TENM3: variants seen among roughly 807,000 people sequenced by gnomAD.
TENM3 encodes teneurin-3.
TENM3 carries 63 observed loss-of-function variants against 255.1 expected under a neutral mutation model. That is an observed-to-expected ratio of 0.25 (90% confidence interval 0.20 to 0.30). The LOEUF (loss-of-function observed/expected upper bound fraction) is 0.30. TENM3 is among the 10% of genes least tolerant of loss of function. The pLI is 1.00. For synonymous variants in TENM3, 1,306 were observed against 1,322.3 expected, an observed-to-expected ratio of 0.99 and a Z score of 0.27; for missense variants, 2,929 against 3,461.1, an observed-to-expected ratio of 0.85 and a Z score of 3.86.
the TENM3 span, among the ~76,000 whole-genome samples, chr4:182,023,887 T>G: frequency 6.6e-6 from 1 of 152,254 alleles, no homozygotes; most frequent in South Asian, 2.1e-4. Flanking sequence ...ATAAAATAAT[T>G]TAGAAGAATT....
intron 1 of TENM3, among the ~76,000 whole-genome samples, chr4:182,190,753 T>C (rs1367814519): frequency 6.6e-6 from 1 of 152,190 alleles, no homozygotes; most frequent in Non-Finnish European, 1.5e-5. Flanking sequence ...GAAATAACCC[T>C]GGCATAATTC....
chr4:181,990,547 A>G, the TENM3 span, among the ~76,000 whole-genome samples: 1 of 152,116 alleles, frequency 6.6e-6, no homozygotes, highest in Non-Finnish European at 1.5e-5. Flanking sequence ...CCTACTGTCC[A>G]GGTACCCAAT....
intron 1 of TENM3, among the ~76,000 whole-genome samples, chr4:182,203,113 A>T (rs1235925567): frequency 1.3e-5 from 2 of 152,074 alleles, no homozygotes; most frequent in African/African-American, 4.8e-5. Flanking sequence ...GCTATTCGGG[A>T]GGCTGAGGCA....
At position 182,775,159 on chromosome 4, in the gene TENM3, T is replaced by A. The variant is rs1442568729; in HGVS notation, c.5304+6T>A. 9.3e-6 allele frequency: 15 copies of A among 1,613,190 alleles called. No individual in the cohort carries two copies. The highest frequency in any genetic ancestry group is 4.0e-5 in the African/African-American group (3 of 74,906). On this transcript the variant is annotated splice_donor_region_variant and intron_variant, in intron 24 of 27. Transcript: ENST00000511685. ...TCTTTGGCCGCAAGCTCAGGGTACG[T>A]ACGTGTTGTGGAGCAGGAGATAGCT...
the TENM3 span, among the ~76,000 whole-genome samples, chr4:182,067,868 G>A: frequency 1.3e-5 from 2 of 152,116 alleles, no homozygotes; most frequent in African/African-American, 4.8e-5. Context: ...TTTCTCTATC[G>A]AGGCTTTTTC....
the TENM3 span, among the ~76,000 whole-genome samples, chr4:181,512,507 G>C: frequency 6.6e-6 from 1 of 152,122 alleles, no homozygotes; most frequent in Non-Finnish European, 1.5e-5. Flanking sequence ...CTTTCATGCT[G>C]TCTGGTAGCT....
At chr4:181,452,717 G>A in the TENM3 span, among the ~76,000 whole-genome samples, 1 of 152,108 alleles carries the variant, frequency 6.6e-6, no homozygotes, top group African/African-American at 2.4e-5. Context: ...AAATTCCTGA[G>A]GAAATGCCGA....
chr4:182,052,578 C>T, the TENM3 span, among the ~76,000 whole-genome samples: 1 of 152,166 alleles, frequency 6.6e-6, no homozygotes, highest in Non-Finnish European at 1.5e-5. Context: ...CACTTCTTCA[C>T]CCTTCAGTGC....
At chr4:181,544,834 A>G in the TENM3 span, among the ~76,000 whole-genome samples, 2 of 152,372 alleles carry the variant, frequency 1.3e-5, no homozygotes, top group South Asian at 4.1e-4. Flanking sequence ...TAAGGAAGCC[A>G]GACAGTGCTG....
chr4:181,909,624 G>T, the TENM3 span, among the ~76,000 whole-genome samples: 1 of 144,054 alleles, frequency 6.9e-6, no homozygotes, highest in Admixed American at 7.0e-5. Context: ...ATTTGTTCAT[G>T]TATCATCTAG....
chr4:182,121,793 T>G, the TENM3 span, among the ~76,000 whole-genome samples: 3 of 152,164 alleles, frequency 2.0e-5, no homozygotes, highest in South Asian at 4.1e-4. Flanking sequence ...TTGGGGTGAT[T>G]GTGGCAATTT....
chr4:182,104,993 C>T, the TENM3 span, among the ~76,000 whole-genome samples: 1 of 152,118 alleles, frequency 6.6e-6, no homozygotes, highest in African/African-American at 2.4e-5. Flanking sequence ...AGGAGAATCA[C>T]TTGAGCCCAG....
At chr4:182,244,857 A>C (rs1358245880) in intron 1 of TENM3, among the ~76,000 whole-genome samples, 2 of 152,242 alleles carry the variant, frequency 1.3e-5, no homozygotes, top group Middle Eastern at 6.3e-3. Flanking sequence ...AAATCAAATC[A>C]TGTTGAACTT....
chr4:182,072,266 G>A, the TENM3 span, among the ~76,000 whole-genome samples: 6 of 152,242 alleles, frequency 3.9e-5, 1 homozygote, highest in African/African-American at 1.2e-4. Context: ...CAATAGCATA[G>A]ACATTGTTCA....
the TENM3 span, among the ~76,000 whole-genome samples, chr4:181,851,680 GACAA>G: frequency 6.6e-6 from 1 of 152,134 alleles, no homozygotes; most frequent in Admixed American, 6.5e-5. Context: ...ACTACTCAAA[GACAA>G]ACAATAATTT....
intron 3 of TENM3, among the ~76,000 whole-genome samples, chr4:182,442,098 G>A (rs11132126): frequency 0.016 from 2,423 of 152,228 alleles, 52 homozygotes; most frequent in East Asian, 0.069. Context: ...TGAGCAAGCA[G>A]AAATTGGTCA....
chr4:182,130,465 C>T, the TENM3 span, among the ~76,000 whole-genome samples: 1 of 152,148 alleles, frequency 6.6e-6, no homozygotes, highest in African/African-American at 2.4e-5. Flanking sequence ...AAACATTGTA[C>T]TATGTGTTTA....
At chr4:181,477,906 A>G in the TENM3 span, among the ~76,000 whole-genome samples, 1 of 152,060 alleles carries the variant, frequency 6.6e-6, no homozygotes, top group Non-Finnish European at 1.5e-5. Context: ...GAGATTTTTA[A>G]ATGGCCTTAC....
the TENM3 span, among the ~76,000 whole-genome samples, chr4:181,959,466 A>T: frequency 4.0e-4 from 61 of 152,318 alleles, no homozygotes; most frequent in African/African-American, 1.3e-3. Context: ...GCAAATGAAG[A>T]AAAGAGTAGG....
Sources: allele counts gnomAD v4.1 joint callset (sites outside exome capture counted in the v4.1 genomes callset), GRCh38; gene constraint gnomAD v4.1.1; transcripts MANE v1.5; gene names NCBI Gene and HGNC (gene_info 2026-07-23, HGNC 2026-07-21).